SPOCK3: variants seen among roughly 807,000 people sequenced by gnomAD.
SPOCK3 encodes the protein testican-3.
In SPOCK3, 30 loss-of-function variants were observed where a neutral mutation model predicts 56.6. The observed-to-expected ratio is 0.53, with a 90% confidence interval of 0.40 to 0.72. The LOEUF (loss-of-function observed/expected upper bound fraction) is 0.72. Ranked by LOEUF, SPOCK3 falls within the 30% of genes least tolerant of loss-of-function variation. SPOCK3 has a pLI of 0.00. For missense variants in SPOCK3, 527 were observed against 530.0 expected, an observed-to-expected ratio of 0.99 and a Z score of 0.06; for synonymous variants, 196 against 183.3, an observed-to-expected ratio of 1.07 and a Z score of -0.56.
At chr4:166,811,971 T>C (rs1300109174) in intron 6 of SPOCK3, among the ~76,000 whole-genome samples, 1 of 151,872 alleles carries the variant, frequency 6.6e-6, no homozygotes, top group Non-Finnish European at 1.5e-5. Flanking sequence ...TAGTAAGCCA[T>C]AGTCAACTCT....
Position 167,205,218 on chromosome 4 carries a change from T to TAG in SPOCK3, c.189+28766_189+28767insCT, listed in dbSNP as rs1163779734. Among the ~76,000 whole-genome samples the TAG allele has an allele frequency of 4.1e-4, 40 of 97,934 alleles. 1 individual carries two copies. Among genetic ancestry groups the TAG allele is most frequent in the African/African-American group, 1.6e-3 (37 of 23,672 alleles). The allele number at this position is 97,934 out of a possible 152,430, so 64.2% of individuals were successfully genotyped here. On this transcript the variant is annotated intron_variant, in intron 2 of 10. Coordinates refer to ENST00000357545, the MANE Select transcript of SPOCK3 (RefSeq NM_001040159.2). ...TATCTATAATATATATTATATATTA[T>TAG]ATATTTTATATCTATAATACATATT...
intron 3 of SPOCK3, among the ~76,000 whole-genome samples, chr4:167,052,237 A>C (rs1580130266): frequency 6.6e-6 from 1 of 152,204 alleles, no homozygotes; most frequent in South Asian, 2.1e-4. Flanking sequence ...TAATGAAATA[A>C]ATTTCTCATT....
chr4:166,966,889 T>C (rs559111422), intron 4 of SPOCK3, among the ~76,000 whole-genome samples: 2 of 152,286 alleles, frequency 1.3e-5, no homozygotes, highest in Admixed American at 6.5e-5. Context: ...TCCCAAAGAC[T>C]GATTCATTTA....
chr4:166,838,881 G>C (rs1160846959), intron 6 of SPOCK3, among the ~76,000 whole-genome samples: 1 of 150,694 alleles, frequency 6.6e-6, no homozygotes. Flanking sequence ...AGAATCGCTT[G>C]AATCCGGGAG....
At chr4:166,938,096 G>A (rs1740652856) in intron 4 of SPOCK3, among the ~76,000 whole-genome samples, 1 of 151,880 alleles carries the variant, frequency 6.6e-6, no homozygotes, top group Non-Finnish European at 1.5e-5. Context: ...CCAGCCATGA[G>A]TTTGTATTTT....
chr4:167,159,696 T>A (rs1354061698), intron 2 of SPOCK3, among the ~76,000 whole-genome samples: 1 of 152,116 alleles, frequency 6.6e-6, no homozygotes, highest in African/African-American at 2.4e-5. Flanking sequence ...TCCACCATGA[T>A]CAACTGGGCT....
chr4:166,842,774 C>T (rs187302197), intron 6 of SPOCK3, among the ~76,000 whole-genome samples: 19 of 152,366 alleles, frequency 1.2e-4, no homozygotes, highest in African/African-American at 1.7e-4. Context: ...CAGCTGGCTT[C>T]GCCTGGTGGA....
At chr4:167,131,134 G>A (rs1025651114) in intron 2 of SPOCK3, among the ~76,000 whole-genome samples, 1 of 151,576 alleles carries the variant, frequency 6.6e-6, no homozygotes, top group Non-Finnish European at 1.5e-5. Context: ...ACATGAACAA[G>A]ATCTCATGGT....
rs1480597858 is a variant in SPOCK3, at chr4:167,147,879, A to T, written c.190-85342T>A. On this transcript the variant is annotated intron_variant, in intron 2 of 10. Coordinates refer to ENST00000357545, the MANE Select transcript of SPOCK3 (RefSeq NM_001040159.2). ...ATGTAGGTGACGGGTGGATGGGTGCAGCAAACCTCCATGGCACGTGTATAC... is the reference window on the plus strand; with the variant it reads ...ATGTAGGTGACGGGTGGATGGGTGCTGCAAACCTCCATGGCACGTGTATAC... 2.0e-5 allele frequency among the ~76,000 whole-genome samples: 3 copies of T among 152,216 alleles called. No individual in the cohort carries two copies. The East Asian group carries it at 5.8e-4, about 29-fold the overall frequency.
intron 8 of SPOCK3, among the ~76,000 whole-genome samples, chr4:166,744,172 C>A (rs1417815944): frequency 2.0e-5 from 3 of 152,196 alleles, no homozygotes; most frequent in Non-Finnish European, 4.4e-5. Context: ...GGGTCCCTGA[C>A]CCCCGAGTAG....
intron 5 of SPOCK3, among the ~76,000 whole-genome samples, chr4:166,902,325 C>T (rs1176848895): frequency 6.6e-6 from 1 of 151,880 alleles, no homozygotes; most frequent in Non-Finnish European, 1.5e-5. Flanking sequence ...CGTGTCTAGA[C>T]TTGGGTTTCT....
chr4:167,203,602 G>A (rs1317748638), intron 2 of SPOCK3, among the ~76,000 whole-genome samples: 3 of 151,448 alleles, frequency 2.0e-5, no homozygotes, highest in African/African-American at 4.8e-5. Flanking sequence ...ATGAGGAACC[G>A]TCCTCCCTGC....
chr4:167,096,827 T>C (rs1450651623), intron 2 of SPOCK3, among the ~76,000 whole-genome samples: 1 of 151,924 alleles, frequency 6.6e-6, no homozygotes, highest in Non-Finnish European at 1.5e-5. Context: ...TTCTGCCTGC[T>C]TGATATATCA....
intron 3 of SPOCK3, among the ~76,000 whole-genome samples, chr4:167,014,939 G>C (rs1219337790): frequency 6.6e-6 from 1 of 151,782 alleles, no homozygotes; most frequent in African/African-American, 2.4e-5. Context: ...CAATGGAAAA[G>C]AAAATTACTC....
intron 6 of SPOCK3, among the ~76,000 whole-genome samples, chr4:166,854,101 C>A (rs1184404164): frequency 6.6e-6 from 1 of 152,130 alleles, no homozygotes; most frequent in Non-Finnish European, 1.5e-5. Context: ...TTCTTAGTAG[C>A]ATTCTAACCA....
At chr4:167,158,810 G>A (rs1029276434) in intron 2 of SPOCK3, among the ~76,000 whole-genome samples, 2 of 151,714 alleles carry the variant, frequency 1.3e-5, no homozygotes, top group Admixed American at 1.3e-4. Flanking sequence ...ATATCACTTG[G>A]GATCTTTAAA....
chr4:167,146,812 T>C (rs1009703956), intron 2 of SPOCK3, among the ~76,000 whole-genome samples: 4 of 152,042 alleles, frequency 2.6e-5, no homozygotes, highest in Non-Finnish European at 4.4e-5. Context: ...TTTAAAGCAG[T>C]GTGGAGAGGG....
chr4:166,967,793 G>C (rs1003810844), intron 4 of SPOCK3, among the ~76,000 whole-genome samples: 1 of 152,178 alleles, frequency 6.6e-6, no homozygotes, highest in Non-Finnish European at 1.5e-5. Flanking sequence ...TTGGAACTGG[G>C]TAACAGGCAA....
At chr4:167,110,507 CA>C (rs1469254761) in intron 2 of SPOCK3, among the ~76,000 whole-genome samples, 2 of 151,874 alleles carry the variant, frequency 1.3e-5, no homozygotes, top group Non-Finnish European at 2.9e-5. Context: ...AATCCAGTGT[CA>C]GGGGTGATAA....
Sources: gnomAD v4.1 joint callset for allele counts (sites outside exome capture counted in the v4.1 genomes callset) on GRCh38, gnomAD v4.1.1 for gene constraint, MANE v1.5 for transcripts, NCBI Gene and HGNC (gene_info 2026-07-23, HGNC 2026-07-21) for gene names.